Variants in MYH6 observed in about 807,000 individuals in gnomAD.
MYH6 encodes myosin-6.
In MYH6, 126 loss-of-function variants were observed where a neutral mutation model predicts 223.2. That is an observed-to-expected ratio of 0.56 (90% CI 0.49 to 0.65). MYH6 has a LOEUF of 0.65. Ranked by LOEUF, MYH6 falls within the 30% of genes least tolerant of loss-of-function variation. The probability of loss-of-function intolerance (pLI) is 0.00; values close to 1 mark genes in which losing one functional copy is unlikely to be tolerated. For synonymous variants in MYH6, 978 were observed against 1,010.2 expected (o/e 0.97, Z 0.61); for missense variants, 2,040 against 2,536.4 (o/e 0.80, Z 4.20).
In MYH6 at chr14:23,394,233, C is replaced by A. The variant is rs141945051; in HGVS notation, c.2520G>T (p.Pro840=). ...TCTCCGTCTCTGCGCTCTTCAGCAG[C>A]GGCTTGATCTTGAAGTAGAGCTTCA... is the stretch of plus-strand genomic sequence containing the variant. ...PWMKLYFKIK[P]LLKSAETEKE... Residue 840 remains proline (P), a synonymous_variant, in exon 21 of 39, where the codon CCG becomes CCT. Transcript: ENST00000405093. 3 of 1,614,224 alleles carry A rather than the reference C, an allele frequency of 1.9e-6. No individual in the cohort carries two copies. Among genetic ancestry groups the A allele is most frequent in the Non-Finnish European group, 2.5e-6 (3 of 1,180,038 alleles).
rs1351253627 is a variant in MYH6 at position 23,386,013 on chromosome 14, A to T, written c.5078T>A (p.Val1693Glu). 6.2e-7 allele frequency: 1 copy of T among 1,614,102 alleles called. No individual in the cohort carries two copies. The highest frequency in any genetic ancestry group is 8.5e-7 in the Non-Finnish European group (1 of 1,180,006). The change falls in exon 34 of 39, where the codon GTG becomes GAG. Residue 1693 changes from valine to glutamate, a missense_variant. By Grantham distance (121) the Val-to-Glu change is moderately radical. This residue lies in a region of MYH6 where 1,203 missense variants were observed against 1,400.2 expected (regional missense o/e 0.86). Coordinates refer to ENST00000405093, the MANE Select transcript of MYH6 (RefSeq NM_002471.4). Reference sequence around the variant, plus strand: ...CCGGGACCGCTCTGTCTGCTCCACCACGGCACGCAGCTCCTCCAGCTCAGC... The same window carrying T: ...CCGGGACCGCTCTGTCTGCTCCACCTCGGCACGCAGCTCCTCCAGCTCAGC... ...LQAELEELRA[V>E]VEQTERSRKL...
chr14:23,406,963 C>T (rs1377077066), intron 3 of MYH6, 60 bp downstream of exon 3: 1 of 1,576,470 alleles, frequency 6.3e-7, no homozygotes, highest in African/African-American at 1.3e-5. Flanking sequence ...AGTGGCTCCA[C>T]CTCTGCATCT....
chr14:23,383,390 C>T, intron 36 of MYH6, 70 bp from the exon 37 acceptor site: 1 of 1,224,414 alleles, frequency 8.2e-7, no homozygotes, highest in Non-Finnish European at 1.2e-6. Flanking sequence ...CCTCCTCCAT[C>T]ATTTTACTCT....
rs763477425 is a variant in MYH6, at chr14:23,396,315, G to T, written c.2398C>A (p.Arg800Ser). The T allele has an allele frequency of 1.9e-6, 3 of 1,614,100 alleles. No individual in the cohort carries two copies. Among genetic ancestry groups the T allele is most frequent in the South Asian group, 1.1e-5 (1 of 91,082 alleles). ...TCCACTATCTTCTTGAACTCAATGC[G>T]CATGAGCTGGCCCCGGGCTTGGGCC... is the stretch of plus-strand genomic sequence containing the variant. ...MQAQARGQLMRIEFKKIVERR... is the reference protein window; with the variant it reads ...MQAQARGQLMSIEFKKIVERR... Residue 800 changes from arginine to serine, a missense_variant, in exon 20 of 39, where the codon CGC becomes AGC. Transcript: ENST00000405093.
intron 20 of MYH6, among the ~76,000 whole-genome samples, chr14:23,394,857 T>C (rs1338290804): frequency 6.6e-6 from 1 of 152,224 alleles, no homozygotes; most frequent in Non-Finnish European, 1.5e-5. Context: ...AATGTATCTT[T>C]ATTTTTATTT....
rs1343030567 is a variant in MYH6, at chr14:23,392,669, G to C, written c.3252-17C>G. ...AACTCCTTCCTGCAGGAGAAGGGTG[G>C]GGGTGGGGGAGTGACAGGTAGCCTT... On this transcript the variant is annotated splice_polypyrimidine_tract_variant and intron_variant, in intron 24 of 38. Coordinates refer to ENST00000405093, the MANE Select transcript of MYH6 (RefSeq NM_002471.4). 1.5e-6 allele frequency: 2 copies of C among 1,312,914 alleles called. No individual in the cohort carries two copies. Among genetic ancestry groups the C allele is most frequent in the African/African-American group, 1.5e-5 (1 of 67,680 alleles). The allele number at this position is 1,312,914 out of a possible 1,614,324, so 81.3% of individuals were successfully genotyped here.
At position 23,407,133 on chromosome 14, in the gene MYH6, AG is replaced by A; in HGVS notation, c.90del (p.Phe31LeufsTer39). 1 of 1,614,226 alleles carries A rather than the reference AG, an allele frequency of 6.2e-7. No homozygotes were observed. Among genetic ancestry groups the A allele is most frequent in the African/African-American group, 1.3e-5 (1 of 75,058 alleles). On this transcript the variant is annotated frameshift_variant, in exon 3 of 39. Transcript: ENST00000405093. LOFTEE classifies it high-confidence loss of function. This position sits in a 1 kb window ranked among gnomAD's most constrained non-coding sequence, Gnocchi z 5.6. ...EKERLEAQTR[P>X]FDIRTECFVP... ...ACGAAGCACTCAGTGCGAATGTCAA[AG>A]GGCCGGGTCTGGGCCTCTAGACGCT...
chr14:23,389,722 T>A lies in MYH6; in HGVS notation c.3733-3A>T. 1 of 1,614,024 alleles carries A rather than the reference T, an allele frequency of 6.2e-7. No individual in the cohort carries two copies. The highest frequency in any genetic ancestry group is 1.1e-5 in the South Asian group (1 of 91,066). On this transcript the variant is annotated splice_polypyrimidine_tract_variant and splice_region_variant and intron_variant, in intron 26 of 38. Coordinates refer to ENST00000405093, the MANE Select transcript of MYH6 (RefSeq NM_002471.4). ...CGAGACACTTTCTCCAGGTTTGCCT[T>A]CAGGAAGCAAGACAGGAAGGGTGAG...
In MYH6 at chr14:23,397,176, C is replaced by T; in HGVS notation, c.2044G>A (p.Ala682Thr). The T allele has an allele frequency of 5.0e-6, 8 of 1,614,224 alleles. No individual in the cohort carries two copies. The highest frequency in any genetic ancestry group is 6.8e-6 in the Non-Finnish European group (8 of 1,180,034). ...VRCIIPNERK[A>T]PGVMDNPLVM... ...AGGTCTTCTCCTGGCTCACCTGGAGCCTTCCGCTCATTGGGGATGATGCAA... is the reference window on the plus strand; with the variant it reads ...AGGTCTTCTCCTGGCTCACCTGGAGTCTTCCGCTCATTGGGGATGATGCAA... The change falls in exon 17 of 39, where the codon GCT becomes ACT. Residue 682 changes from alanine (A) to threonine (T), a missense_variant. By Grantham distance (58) the Ala-to-Thr change is moderately conservative (BLOSUM62 0). Transcript: ENST00000405093.
chr14:23,403,652 G>A lies in MYH6; in HGVS notation c.799+63C>T, dbSNP rs562230232. 1.0e-4 allele frequency: 148 copies of A among 1,477,316 alleles called. 2 individuals are homozygous for A. The highest frequency in any genetic ancestry group is 7.6e-4 in the South Asian group (65 of 85,976). The allele number at this position is 1,477,316 out of a possible 1,614,324, so 91.5% of individuals were successfully genotyped here. On this transcript the variant is annotated intron_variant, in intron 9 of 38. Transcript: ENST00000405093. ...GATGGCAGGAATGATGAGACTGGCC[G>A]CCAGGCAGGGAGAGAAGGCAGAGGG... is the stretch of plus-strand genomic sequence containing the variant.
In MYH6 at chr14:23,386,637, G is replaced by T. The variant is rs902807471; in HGVS notation, c.4651-14C>A. 18 of 1,590,274 alleles carry T rather than the reference G, an allele frequency of 1.1e-5. No homozygotes were observed. The African/African-American group carries it at 2.0e-4, about 18-fold the overall frequency. Reference sequence around the variant, plus strand: ...CTCCAGGGAGGCCTGGGAAGGGGTGGGGCGAGGGCGGGCAGACAGGGCACA... The same window carrying T: ...CTCCAGGGAGGCCTGGGAAGGGGTGTGGCGAGGGCGGGCAGACAGGGCACA... On this transcript the variant is annotated splice_polypyrimidine_tract_variant and intron_variant, in intron 32 of 38. Transcript: ENST00000405093.
chr14:23,400,451 G>T (rs1325484587), intron 13 of MYH6, 25 bp from the exon 14 acceptor site: 11 of 1,613,856 alleles, frequency 6.8e-6, no homozygotes, highest in Non-Finnish European at 9.3e-6. Context: ...AGGGGTGGGA[G>T]CAGTCAGAAA....
In MYH6 at chr14:23,396,962, C is replaced by T. The variant is rs1366141531; in HGVS notation, c.2168+1G>A. On this transcript the variant is annotated splice_donor_variant, in intron 18 of 38. Coordinates refer to ENST00000405093, the MANE Select transcript of MYH6 (RefSeq NM_002471.4). LOFTEE classifies it high-confidence loss of function. The stretch of plus-strand genomic sequence containing the variant: ...GAGCTCTGGGGCACCCTCATACCCA[C>T]CTCTGCCGGAAGTCCCCGTAGAGGA... The T allele has an allele frequency of 1.9e-6, 3 of 1,612,664 alleles. No homozygotes were observed. Among genetic ancestry groups the T allele is most frequent in the Admixed American group, 1.7e-5 (1 of 60,032 alleles).
At position 23,384,726 on chromosome 14, in the gene MYH6, A is replaced by G; in HGVS notation, c.5290-9T>C. On this transcript the variant is annotated splice_polypyrimidine_tract_variant and intron_variant, in intron 35 of 38. Transcript: ENST00000405093. ...TCTGCCATCATGGCGGCCTGTGTGC[A>G]GGAGAGAGGTGGCAAGGAACATGGG... The G allele has an allele frequency of 6.2e-7, 1 of 1,614,226 alleles. No individual in the cohort carries two copies. Among genetic ancestry groups the G allele is most frequent in the Non-Finnish European group, 8.5e-7 (1 of 1,180,042 alleles).
chr14:23,400,155 G>C (rs532340687), intron 14 of MYH6, 101 bp downstream of exon 14: 3 of 1,569,336 alleles, frequency 1.9e-6, no homozygotes, highest in Admixed American at 3.4e-5. Context: ...GAAAGGCCTG[G>C]GATTCTTGGG....
chr14:23,394,363 A>G (rs762008007), intron 20 of MYH6, 40 bp from the exon 21 acceptor site: 34 of 1,613,020 alleles, frequency 2.1e-5, no homozygotes, highest in Non-Finnish European at 2.9e-5. Flanking sequence ...GCACTATAAA[A>G]GAGAGCTTCC....
chr14:23,401,633 C>T (rs1362067246), intron 12 of MYH6, among the ~76,000 whole-genome samples: 4 of 152,232 alleles, frequency 2.6e-5, no homozygotes, highest in East Asian at 3.9e-4. Flanking sequence ...AAGGGTGTGG[C>T]TGAGGGGCTA....
chr14:23,383,338 G>C lies in MYH6; in HGVS notation c.5566-18C>G. The C allele has an allele frequency of 2.4e-6, 1 of 421,650 alleles. No homozygotes were observed. The highest frequency in any genetic ancestry group is 4.8e-6 in the Non-Finnish European group (1 of 206,218). The allele number at this position is 421,650 out of a possible 1,614,324, so 26.1% of individuals were successfully genotyped here. A position where few individuals can be genotyped will look rare whatever the true frequency, so the allele number is the denominator to read the frequency against. ...TCCTCTGTCTGGGGGTGGGAGGGTG[G>C]GAGAAGCTGGTTTGGAGGGGGAGCA... On this transcript the variant is annotated intron_variant, in intron 36 of 38. Coordinates refer to ENST00000405093, the MANE Select transcript of MYH6 (RefSeq NM_002471.4).
Position 23,389,072 on chromosome 14 carries a change from G to GGGGCC in MYH6, c.3979-18_3979-17insGGCCC. 8 of 1,135,122 alleles carry GGGGCC rather than the reference G, an allele frequency of 7.0e-6. No homozygotes were observed. The highest frequency in any genetic ancestry group is 1.0e-5 in the Non-Finnish European group (8 of 774,110). 70.3% of individuals were successfully genotyped at this position (1,135,122 alleles called of 1,614,324 possible). ...GTTCTTCGCCTGGGGAGGGGGGGGG[G>GGGGCC]CACCAGGAGGTGGGAGGGACTCCCT... is the stretch of plus-strand genomic sequence containing the variant. On this transcript the variant is annotated splice_polypyrimidine_tract_variant and intron_variant, in intron 28 of 38. Coordinates refer to ENST00000405093, the MANE Select transcript of MYH6 (RefSeq NM_002471.4).
Sources: gnomAD v4.1 joint callset for allele counts (sites outside exome capture counted in the v4.1 genomes callset) on GRCh38, gnomAD v4.1.1 for gene constraint, gnomAD v4.1.1 regional missense constraint, Gnocchi (gnomAD v3.1) non-coding constraint, MANE v1.5 for transcripts, NCBI Gene and HGNC (gene_info 2026-07-23, HGNC 2026-07-21) for gene names.